The following EPS8 variants were observed in gnomAD, a reference collection of about 807,000 sequenced individuals.
EPS8 encodes the protein EGFR pathway substrate 8, signaling adaptor, also known as epidermal growth factor receptor kinase substrate 8.
Under a neutral mutation model 103.8 loss-of-function variants are expected in EPS8, and 42 were observed. The observed-to-expected ratio is 0.40, with a 90% CI of 0.32 to 0.52. The LOEUF (loss-of-function observed/expected upper bound fraction) is 0.52. Among genes scored for constraint, EPS8 ranks in the 20% least tolerant of loss-of-function variants. The pLI is 0.40. For missense variants in EPS8, 969 were observed against 1,005.1 expected, an observed-to-expected ratio of 0.96 and a Z score of 0.49; for synonymous variants, 344 against 344.6, an observed-to-expected ratio of 1.00 and a Z score of 0.02.
Position 15,776,379 on chromosome 12 carries a change from A to G in EPS8, c.-22+12782T>C, listed in dbSNP as rs564092318. Among the ~76,000 whole-genome samples, 41 of 152,300 alleles carry G rather than the reference A, an allele frequency of 2.7e-4. No individual in the cohort carries two copies. Among genetic ancestry groups the G allele is most frequent in the Admixed American group, 1.8e-3 (28 of 15,296 alleles). On this transcript the variant is annotated intron_variant, in intron 1 of 20. Transcript: ENST00000281172. The surrounding 1 kb of genome is among the most constrained non-coding windows in gnomAD (Gnocchi z 4.2). ...GAGCAATCCGGTACTCTTTTGGAAG[A>G]GAGAAAAAAACAGCTGGCTTAGGTG...
chr12:15,779,455 T>C lies in EPS8; in HGVS notation c.-22+9706A>G, dbSNP rs1360629087. 6.6e-6 allele frequency among the ~76,000 whole-genome samples: 1 copy of C among 152,250 alleles called. No homozygotes were observed. Among genetic ancestry groups the C allele is most frequent in the Non-Finnish European group, 1.5e-5 (1 of 68,044 alleles). On this transcript the variant is annotated intron_variant, in intron 1 of 20. Transcript: ENST00000281172. The surrounding 1 kb of genome is among the most constrained non-coding windows in gnomAD (Gnocchi z 4.3). ...TTATTGCAGAAAATTAGATAAACTG[T>C]AATCAATGTCTTCTCAAAAGAGACA...
intron 1 of EPS8, among the ~76,000 whole-genome samples, chr12:15,694,125 G>T: frequency 6.6e-6 from 1 of 152,110 alleles, no homozygotes; most frequent in African/African-American, 2.4e-5. Context: ...TATTTTCATT[G>T]TCTAAACATT....
rs1225226336 is a variant in EPS8 at position 15,734,863 on chromosome 12, T to C, written c.-21-51891A>G. On this transcript the variant is annotated intron_variant, in intron 1 of 20. Transcript: ENST00000281172. This position sits in a 1 kb window ranked among gnomAD's most constrained non-coding sequence, Gnocchi z 4.1. ...AATACTTTCATATCGATGATCTCAA[T>C]TGATTCTTATAATATGTAAGCTGGA... is the stretch of plus-strand genomic sequence containing the variant. 6.6e-6 allele frequency among the ~76,000 whole-genome samples: 1 copy of C among 152,242 alleles called. No individual in the cohort carries two copies. The highest frequency in any genetic ancestry group is 1.5e-5 in the Non-Finnish European group (1 of 68,032).
intron 1 of EPS8, among the ~76,000 whole-genome samples, chr12:15,705,601 T>C (rs1467167727): frequency 6.6e-6 from 1 of 152,178 alleles, no homozygotes; most frequent in African/African-American, 2.4e-5. Context: ...ATACAAAATA[T>C]CAATAATTAT....
In EPS8 at chr12:15,681,645, G is replaced by A. The variant is rs191859314; in HGVS notation, c.60-343C>T. Among the ~76,000 whole-genome samples, 405 of 146,438 alleles carry A rather than the reference G, an allele frequency of 2.8e-3. 4 individuals are homozygous for A. The highest frequency in any genetic ancestry group is 9.6e-3 in the South Asian group (45 of 4,688). ...CTCGGGAGGCTGAGGCAGGAGAATC[G>A]CATGAACCCGGGAGGTGGAGGTTGC... is the stretch of plus-strand genomic sequence containing the variant. On this transcript the variant is annotated intron_variant, in intron 2 of 20. Coordinates refer to ENST00000281172, the MANE Select transcript of EPS8 (RefSeq NM_004447.6).
chr12:15,640,094 G>A (rs1945202901), intron 17 of EPS8, among the ~76,000 whole-genome samples: 1 of 152,232 alleles, frequency 6.6e-6, no homozygotes, highest in Non-Finnish European at 1.5e-5. Context: ...TGTGGCATGG[G>A]CCATAAGAAT....
rs139585815 is a variant in EPS8, at chr12:15,749,183, A to C, written c.-22+39978T>G. Among the ~76,000 whole-genome samples the C allele has an allele frequency of 8.5e-5, 13 of 152,292 alleles. No individual in the cohort carries two copies. The highest frequency in any genetic ancestry group is 3.1e-4 in the African/African-American group (13 of 41,544). ...CCTTAGGCTCTCACTAAGGGCCAATATAGGAAACAAGTAATTAAAAAAAAA... is the reference window on the plus strand; with the variant it reads ...CCTTAGGCTCTCACTAAGGGCCAATCTAGGAAACAAGTAATTAAAAAAAAA... On this transcript the variant is annotated intron_variant, in intron 1 of 20. Transcript: ENST00000281172. This position sits in a 1 kb window ranked among gnomAD's most constrained non-coding sequence, Gnocchi z 4.0.
intron 1 of EPS8, among the ~76,000 whole-genome samples, chr12:15,740,071 T>C (rs886922754): frequency 3.3e-5 from 5 of 151,960 alleles, no homozygotes; most frequent in Non-Finnish European, 7.4e-5. Flanking sequence ...ATAAAAAGCA[T>C]GCTCAAAGAA....
chr12:15,670,970 A>C, intron 3 of EPS8, 47 bp from the exon 4 acceptor site: 1 of 1,377,220 alleles, frequency 7.3e-7, no homozygotes, highest in Non-Finnish European at 1.0e-6. Context: ...TAATAGACTG[A>C]AGTTCATATG....
At chr12:15,685,865 TTAAG>T (rs1162037251) in intron 1 of EPS8, among the ~76,000 whole-genome samples, 1 of 152,168 alleles carries the variant, frequency 6.6e-6, no homozygotes, top group Non-Finnish European at 1.5e-5. Context: ...AACTGAAAAA[TTAAG>T]TGTTTTTATT....
At chr12:15,719,216 T>TGTATATATAA (rs1946567372) in intron 1 of EPS8, among the ~76,000 whole-genome samples, 1 of 151,928 alleles carries the variant, frequency 6.6e-6, no homozygotes, top group Non-Finnish European at 1.5e-5. Flanking sequence ...TATATATATA[T>TGTATATATAA]ACACACATAC....
intron 1 of EPS8, among the ~76,000 whole-genome samples, chr12:15,715,260 C>T (rs948649812): frequency 3.9e-5 from 6 of 152,184 alleles, no homozygotes; most frequent in Non-Finnish European, 5.9e-5. Context: ...CTTTGAAGCA[C>T]CCCACAGGGT....
chr12:15,725,573 T>C lies in EPS8; in HGVS notation c.-21-42601A>G, dbSNP rs1452410421. Reference sequence around the variant, plus strand: ...GCCTAATTCTCATACCTTTGTTACCTTATGAAAAATTCTAAAATACGGTGA... The same window carrying C: ...GCCTAATTCTCATACCTTTGTTACCCTATGAAAAATTCTAAAATACGGTGA... On this transcript the variant is annotated intron_variant, in intron 1 of 20. Coordinates refer to ENST00000281172, the MANE Select transcript of EPS8 (RefSeq NM_004447.6). This position sits in a 1 kb window ranked among gnomAD's most constrained non-coding sequence, Gnocchi z 4.5. Among the ~76,000 whole-genome samples the C allele has an allele frequency of 3.3e-5, 5 of 152,152 alleles. No homozygotes were observed. Among genetic ancestry groups the C allele is most frequent in the Non-Finnish European group, 7.3e-5 (5 of 68,036 alleles).
At position 15,747,838 on chromosome 12, in the gene EPS8, G is replaced by A. The variant is rs183487468; in HGVS notation, c.-22+41323C>T. On this transcript the variant is annotated intron_variant, in intron 1 of 20. Transcript: ENST00000281172. The surrounding 1 kb of genome is among the most constrained non-coding windows in gnomAD (Gnocchi z 4.4). ...GATCGAGACCATCCTGGCTAACACG[G>A]TGAAACCCCGTCTCTACTAAAAATA... is the stretch of plus-strand genomic sequence containing the variant. Among the ~76,000 whole-genome samples the A allele has an allele frequency of 2.6e-5, 4 of 152,204 alleles. No homozygotes were observed. The highest frequency in any genetic ancestry group is 9.6e-5 in the African/African-American group (4 of 41,520).
At chr12:15,774,336 CT>C (rs1471928255) in intron 1 of EPS8, among the ~76,000 whole-genome samples, 5 of 143,104 alleles carry the variant, frequency 3.5e-5, no homozygotes, top group African/African-American at 1.0e-4. Context: ...CCCACCCCCC[CT>C]GCAACTTGCA....
chr12:15,732,728 T>C, intron 1 of EPS8: 1 of 959,660 alleles, frequency 1.0e-6, no homozygotes, highest in South Asian at 4.8e-5. Context: ...TGATTTGCAA[T>C]AAAGAGAACA....
At chr12:15,625,210 A>G (rs370451441) in intron 18 of EPS8, among the ~76,000 whole-genome samples, 1 of 152,056 alleles carries the variant, frequency 6.6e-6, no homozygotes, top group Non-Finnish European at 1.5e-5. Flanking sequence ...CTGCCTTCCT[A>G]TTATGTTATA....
At chr12:15,691,135 A>G (rs904516557) in intron 1 of EPS8, among the ~76,000 whole-genome samples, 1 of 151,666 alleles carries the variant, frequency 6.6e-6, no homozygotes, top group Non-Finnish European at 1.5e-5. Context: ...TCTTTAAGAA[A>G]AGACCACATT....
chr12:15,636,168 G>T (rs1945130548), intron 17 of EPS8, among the ~76,000 whole-genome samples: 1 of 152,140 alleles, frequency 6.6e-6, no homozygotes, highest in Non-Finnish European at 1.5e-5. Flanking sequence ...ACTTTATGTG[G>T]CAAGTAGCTT....
Sources: gnomAD v4.1 joint callset for allele counts (sites outside exome capture counted in the v4.1 genomes callset) on GRCh38, gnomAD v4.1.1 for gene constraint, Gnocchi (gnomAD v3.1) non-coding constraint, MANE v1.5 for transcripts, NCBI Gene and HGNC (gene_info 2026-07-23, HGNC 2026-07-21) for gene names.